EPHA6: variants seen among roughly 807,000 people sequenced by gnomAD.
EPHA6 encodes ephrin type-A receptor 6.
In EPHA6, 50 loss-of-function variants were observed where a neutral mutation model predicts 112.0. That is an observed-to-expected ratio of 0.45 (90% CI 0.36 to 0.56). The LOEUF is 0.56. EPHA6 is among the 20% of genes least tolerant of loss of function. The probability of loss-of-function intolerance (pLI) is 0.00; values close to 1 mark genes in which losing one functional copy is unlikely to be tolerated. For missense variants in EPHA6, 1,280 were observed against 1,417.4 expected, an observed-to-expected ratio of 0.90 and a Z score of 1.56; for synonymous variants, 529 against 490.7, an observed-to-expected ratio of 1.08 and a Z score of -1.03.
intron 1 of EPHA6, among the ~76,000 whole-genome samples, chr3:96,861,970 C>T (rs1054234773): frequency 5.3e-5 from 8 of 151,584 alleles, no homozygotes; most frequent in South Asian, 2.1e-4. Context: ...GTTGCAACTC[C>T]GTGTGAGGGT....
chr3:97,707,835 G>A (rs916665954), intron 14 of EPHA6, among the ~76,000 whole-genome samples: 5 of 152,196 alleles, frequency 3.3e-5, no homozygotes, highest in African/African-American at 1.2e-4. Context: ...AAAGTGTTTG[G>A]CAGTTCCTCT....
At chr3:97,000,807 A>G (rs1277696951) in intron 3 of EPHA6, among the ~76,000 whole-genome samples, 1 of 151,332 alleles carries the variant, frequency 6.6e-6, no homozygotes, top group Non-Finnish European at 1.5e-5. Context: ...TTATATATAT[A>G]TATATAGTGT....
intron 2 of EPHA6, among the ~76,000 whole-genome samples, chr3:96,894,739 AT>A (rs2038166831): frequency 6.6e-6 from 1 of 152,278 alleles, no homozygotes; most frequent in East Asian, 1.9e-4. Flanking sequence ...TGAGGATGAC[AT>A]TGAGGACCTC....
chr3:97,550,469 A>G (rs1238599417), intron 11 of EPHA6, among the ~76,000 whole-genome samples: 1 of 152,166 alleles, frequency 6.6e-6, no homozygotes, highest in Non-Finnish European at 1.5e-5. Context: ...TCTTCGTCCA[A>G]ACACCAAATC....
intron 2 of EPHA6, among the ~76,000 whole-genome samples, chr3:96,870,405 A>C (rs923400718): frequency 6.6e-6 from 1 of 152,100 alleles, no homozygotes; most frequent in African/African-American, 2.4e-5. Context: ...TGTCCTTTCT[A>C]CATCTTTCTC....
chr3:97,226,497 T>C, intron 4 of EPHA6, 78 bp downstream of exon 4: 3 of 1,335,924 alleles, frequency 2.2e-6, no homozygotes, highest in Non-Finnish European at 3.1e-6. Context: ...AAAAAATAAG[T>C]AAATGTACAA....
rs565586036 is a variant in EPHA6, at chr3:97,083,607, T to G, written c.1114+95614T>G. On this transcript the variant is annotated intron_variant, in intron 3 of 17. Coordinates refer to ENST00000389672, the MANE Select transcript of EPHA6 (RefSeq NM_001080448.3). ...GATAAATGATTCCCAGGTCTTTTTT[T>G]CTACTCCGAATCTTGTTTCTTCTAC... is the stretch of plus-strand genomic sequence containing the variant. Among the ~76,000 whole-genome samples the G allele has an allele frequency of 1.0e-3, 155 of 152,116 alleles. 1 individual carries two copies. The highest frequency in any genetic ancestry group is 3.6e-3 in the African/African-American group (150 of 41,562).
chr3:97,136,139 T>G (rs1424553965), intron 3 of EPHA6, among the ~76,000 whole-genome samples: 1 of 152,108 alleles, frequency 6.6e-6, no homozygotes, highest in Non-Finnish European at 1.5e-5. Flanking sequence ...AGTTATGCCT[T>G]TAGGACTCCC....
chr3:97,179,708 A>G (rs989645931), intron 3 of EPHA6, among the ~76,000 whole-genome samples: 6 of 139,702 alleles, frequency 4.3e-5, no homozygotes, highest in African/African-American at 6.0e-5. Context: ...TTTCTGCCAA[A>G]CCTACAGAGT....
chr3:96,925,366 A>T lies in EPHA6; in HGVS notation c.450+58477A>T. Among the ~76,000 whole-genome samples, 2 of 152,112 alleles carry T rather than the reference A, an allele frequency of 1.3e-5. 1 individual carries two copies. Among genetic ancestry groups the T allele is most frequent in the East Asian group, 3.9e-4 (2 of 5,188 alleles). On this transcript the variant is annotated intron_variant, in intron 2 of 17. Coordinates refer to ENST00000389672, the MANE Select transcript of EPHA6 (RefSeq NM_001080448.3). ...GAGAGATTCAATTTCTTCCTGGTTC[A>T]GTCTTGGGACAGTGTATGTGTCCAG...
In EPHA6 at chr3:97,757,298, T is replaced by C. The variant is rs116463461; in HGVS notation, c.*8597T>C. Reference sequence around the variant, plus strand: ...GATGGGAATCTCTAATATAAATGAGTACACTAATAGTTGTTAAAATATGTA... The same window carrying C: ...GATGGGAATCTCTAATATAAATGAGCACACTAATAGTTGTTAAAATATGTA... On this transcript the variant is annotated 3_prime_UTR_variant, in exon 18 of 18. Transcript: ENST00000389672. 0.021 allele frequency among the ~76,000 whole-genome samples: 3,238 copies of C among 151,930 alleles called. 43 individuals are homozygous for C. Among genetic ancestry groups the C allele is most frequent in the Admixed American group, 0.032 (483 of 15,272 alleles).
intron 14 of EPHA6, among the ~76,000 whole-genome samples, chr3:97,703,190 A>G (rs2033493022): frequency 6.6e-6 from 1 of 152,168 alleles, no homozygotes; most frequent in South Asian, 2.1e-4. Context: ...CCTGTTGATA[A>G]TGCAAAACTG....
At chr3:97,122,557 G>A (rs2048070474) in intron 3 of EPHA6, among the ~76,000 whole-genome samples, 1 of 151,628 alleles carries the variant, frequency 6.6e-6, no homozygotes, top group South Asian at 2.1e-4. Context: ...AATATCTCTG[G>A]GCCAATAAAG....
chr3:97,221,565 G>C lies in EPHA6; in HGVS notation c.1115-4699G>C, dbSNP rs142136602. Among the ~76,000 whole-genome samples the C allele has an allele frequency of 1.2e-3, 189 of 152,056 alleles. 2 individuals carry two copies. Among genetic ancestry groups the C allele is most frequent in the African/African-American group, 4.1e-3 (171 of 41,480 alleles). ...TAGTAGAGAAGGAAAGAATATATAA[G>C]AAAGAAATTTAAAAGTTCTCAAGAC... On this transcript the variant is annotated intron_variant, in intron 3 of 17. Coordinates refer to ENST00000389672, the MANE Select transcript of EPHA6 (RefSeq NM_001080448.3).
At chr3:97,478,278 C>A (rs1344939026) in intron 8 of EPHA6, among the ~76,000 whole-genome samples, 2 of 152,044 alleles carry the variant, frequency 1.3e-5, no homozygotes, top group Non-Finnish European at 2.9e-5. Context: ...TGTGGCAAAG[C>A]ATTTCATTAA....
intron 5 of EPHA6, among the ~76,000 whole-genome samples, chr3:97,379,556 C>A (rs1032729536): frequency 6.6e-5 from 10 of 151,460 alleles, no homozygotes; most frequent in Non-Finnish European, 1.5e-4. Flanking sequence ...TGAGACCAGC[C>A]TGACCAACAT....
chr3:97,473,569 G>A (rs968653895), intron 7 of EPHA6, among the ~76,000 whole-genome samples: 2 of 151,790 alleles, frequency 1.3e-5, no homozygotes, highest in Non-Finnish European at 2.9e-5. Context: ...CAAAATTCTT[G>A]AATTATGCTA....
intron 5 of EPHA6, among the ~76,000 whole-genome samples, chr3:97,401,929 GA>G (rs1473027638): frequency 6.6e-6 from 1 of 151,868 alleles, no homozygotes; most frequent in Non-Finnish European, 1.5e-5. Flanking sequence ...TGGTAACTCA[GA>G]AGCATTTTGT....
chr3:97,749,076 G>A lies in EPHA6; in HGVS notation c.*375G>A. ...GTAGAGTGTGATGGTAGATGAGAAA[G>A]AACTAGTTGACCTTTCTTTCATGTT... is the stretch of plus-strand genomic sequence containing the variant. On this transcript the variant is annotated 3_prime_UTR_variant, in exon 18 of 18. Transcript: ENST00000389672. 4.1e-6 allele frequency: 1 copy of A among 243,012 alleles called. No homozygotes were observed. The highest frequency in any genetic ancestry group is 1.6e-4 in the South Asian group (1 of 6,238). The allele number at this position is 243,012 out of a possible 1,614,324, so 15.1% of individuals were successfully genotyped here.
Sources: allele counts gnomAD v4.1 joint callset (sites outside exome capture counted in the v4.1 genomes callset), GRCh38; gene constraint gnomAD v4.1.1; transcripts MANE v1.5; gene names NCBI Gene and HGNC (gene_info 2026-07-23, HGNC 2026-07-21).